Variants in RAB38 observed in about 807,000 individuals in gnomAD.
RAB38 encodes ras-related protein Rab-38.
In RAB38, 15 loss-of-function variants were observed where a neutral mutation model predicts 18.4. That is an observed-to-expected ratio of 0.82 (90% CI 0.55 to 1.26). The LOEUF is 1.26. Among genes scored for constraint, RAB38 ranks in the 50% most tolerant of loss-of-function variants. The pLI, the probability that RAB38 is intolerant of heterozygous loss-of-function variation, is 0.00. For missense variants in RAB38, 294 were observed against 267.4 expected (o/e 1.10, Z -0.69); for synonymous variants, 101 against 104.4 (o/e 0.97, Z 0.20).
the RAB38 span, among the ~76,000 whole-genome samples, chr11:88,084,942 GA>G: frequency 6.6e-6 from 1 of 151,860 alleles, no homozygotes; most frequent in African/African-American, 2.4e-5. Context: ...TATAAAGGCA[GA>G]ATTAAGGTGT....
At chr11:88,049,506 C>T in the RAB38 span, among the ~76,000 whole-genome samples, 6 of 150,386 alleles carry the variant, frequency 4.0e-5, no homozygotes, top group East Asian at 3.9e-4. Flanking sequence ...TCTTATAAAA[C>T]GGCCCCACCC....
chr11:88,033,049 A>C, the RAB38 span, among the ~76,000 whole-genome samples: 2 of 152,154 alleles, frequency 1.3e-5, no homozygotes, highest in African/African-American at 4.8e-5. Flanking sequence ...ATGCAGCCAT[A>C]AAAAATGATG....
chr11:88,103,677 A>G, the RAB38 span, among the ~76,000 whole-genome samples: 1 of 152,124 alleles, frequency 6.6e-6, no homozygotes, highest in Non-Finnish European at 1.5e-5. Flanking sequence ...TAATTAATAC[A>G]CTGTGCCAGT....
chr11:88,099,684 T>A, the RAB38 span, among the ~76,000 whole-genome samples: 4 of 151,854 alleles, frequency 2.6e-5, no homozygotes, highest in African/African-American at 7.2e-5. Context: ...ATGTCCTAGC[T>A]AAGCCACCTC....
At chr11:87,949,693 G>A in the RAB38 span, among the ~76,000 whole-genome samples, 3 of 152,130 alleles carry the variant, frequency 2.0e-5, no homozygotes, top group East Asian at 1.9e-4. Flanking sequence ...CATGTAGTTG[G>A]GCGGTTTTGA....
At chr11:87,898,198 T>C in the RAB38 span, among the ~76,000 whole-genome samples, 6 of 151,590 alleles carry the variant, frequency 4.0e-5, no homozygotes, top group African/African-American at 1.2e-4. Flanking sequence ...GGGAAAGTCA[T>C]TATTAGGCAG....
chr11:88,143,927 A>T (rs918635151), intron 2 of RAB38, among the ~76,000 whole-genome samples: 1 of 152,204 alleles, frequency 6.6e-6, no homozygotes, highest in Non-Finnish European at 1.5e-5. Context: ...TGATTAGCTA[A>T]AGATAAAATA....
chr11:87,847,002 T>A, the RAB38 span, among the ~76,000 whole-genome samples: 28 of 152,020 alleles, frequency 1.8e-4, no homozygotes, highest in African/African-American at 6.5e-4. Context: ...TATATCAAAA[T>A]TTTTCTGAGT....
the RAB38 span, among the ~76,000 whole-genome samples, chr11:88,080,217 T>C: frequency 3.3e-5 from 5 of 151,474 alleles, no homozygotes; most frequent in South Asian, 8.3e-4. Context: ...GGTCAATATA[T>C]AAAAACAAAA....
chr11:87,892,510 TCTC>T, the RAB38 span, among the ~76,000 whole-genome samples: 4 of 151,768 alleles, frequency 2.6e-5, no homozygotes, highest in African/African-American at 9.7e-5. Context: ...AACATGTCAT[TCTC>T]CTGCTCAAAG....
chr11:88,059,113 G>A, the RAB38 span, among the ~76,000 whole-genome samples: 89 of 152,242 alleles, frequency 5.8e-4, no homozygotes, highest in Non-Finnish European at 6.5e-4. Flanking sequence ...AAGCCTCAGC[G>A]TTCTTGTCTG....
At chr11:87,938,775 A>G in the RAB38 span, among the ~76,000 whole-genome samples, 2 of 151,558 alleles carry the variant, frequency 1.3e-5, no homozygotes, top group East Asian at 3.9e-4. Flanking sequence ...AGTATACGTA[A>G]GGCGAAAAGT....
chr11:88,149,514 T>C (rs1943035140), intron 2 of RAB38, among the ~76,000 whole-genome samples, 161 bp downstream of exon 2: 1 of 152,192 alleles, frequency 6.6e-6, no homozygotes, highest in Non-Finnish European at 1.5e-5. Context: ...ATTCCTGCCT[T>C]ACCTACTCAT....
the RAB38 span, among the ~76,000 whole-genome samples, chr11:87,976,217 G>C: frequency 6.9e-6 from 1 of 144,288 alleles, no homozygotes; most frequent in East Asian, 2.0e-4. Flanking sequence ...ATATTTTTAT[G>C]TATATACCTA....
chr11:88,173,906 C>G (rs1409173039), intron 1 of RAB38: 1 of 985,282 alleles, frequency 1.0e-6, no homozygotes, highest in African/African-American at 1.7e-5. Context: ...CACAAATGCC[C>G]TTTCAAAAAT....
the RAB38 span, among the ~76,000 whole-genome samples, chr11:87,922,878 T>C: frequency 7.9e-6 from 1 of 127,308 alleles, no homozygotes; most frequent in Admixed American, 8.5e-5. Context: ...GGAAGAAAAA[T>C]GGATGGGAGA....
chr11:88,166,663 G>A (rs1341244518), intron 1 of RAB38: 1 of 151,976 alleles, frequency 6.6e-6, no homozygotes, highest in African/African-American at 2.4e-5. Flanking sequence ...ACATCCAAAT[G>A]AATGACATTT....
chr11:88,147,017 A>G (rs1942995838), intron 2 of RAB38, among the ~76,000 whole-genome samples: 1 of 152,234 alleles, frequency 6.6e-6, no homozygotes, highest in Non-Finnish European at 1.5e-5. Flanking sequence ...TTAACACTAT[A>G]GTGGTTGAGC....
At chr11:88,157,956 C>CA (rs2134839687) in intron 1 of RAB38, among the ~76,000 whole-genome samples, 1 of 151,712 alleles carries the variant, frequency 6.6e-6, no homozygotes, top group African/African-American at 2.4e-5. Context: ...AATTGAGACT[C>CA]AAAAAATACA....
Sources: gnomAD v4.1 joint callset for allele counts (sites outside exome capture counted in the v4.1 genomes callset) on GRCh38, gnomAD v4.1.1 for gene constraint, MANE v1.5 for transcripts, NCBI Gene and HGNC (gene_info 2026-07-23, HGNC 2026-07-21) for gene names.